Variants in WNK2 observed in about 807,000 individuals in gnomAD.
WNK2 encodes the protein serine/threonine-protein kinase WNK2.
A neutral mutation model predicts 192.1 loss-of-function variants in WNK2; 67 were observed. That is an observed-to-expected ratio of 0.35 (90% CI 0.29 to 0.43). WNK2 has a LOEUF of 0.43. Ranked by LOEUF, WNK2 falls within the 20% of genes least tolerant of loss-of-function variation. The pLI is 1.00. For missense variants in WNK2, 2,698 were observed against 3,089.7 expected (o/e 0.87, Z 3.01); for synonymous variants, 1,439 against 1,393.9 (o/e 1.03, Z -0.72).
At position 93,191,656 on chromosome 9, in the gene WNK2, C is replaced by T. The variant is rs547463313; in HGVS notation, c.681+6046C>T. Among the ~76,000 whole-genome samples the T allele has an allele frequency of 2.6e-5, 4 of 151,338 alleles. No homozygotes were observed. In the East Asian group the frequency reaches 5.8e-4, roughly 22 times the overall value. Reference sequence around the variant, plus strand: ...GGGCTGGTACTGGGTGGGATAGAGGCGGGGAGGGGAGAAGCATCAGATTCT... The same window carrying T: ...GGGCTGGTACTGGGTGGGATAGAGGTGGGGAGGGGAGAAGCATCAGATTCT... On this transcript the variant is annotated intron_variant, in intron 2 of 29. Transcript: ENST00000427277.
At chr9:93,263,507 G>A (rs1340591730) in intron 14 of WNK2, 59 bp from the exon 15 acceptor site, 34 of 1,580,712 alleles carry the variant, frequency 2.2e-5, no homozygotes, top group South Asian at 1.8e-4. Flanking sequence ...GACTTTCCCC[G>A]CCATTGCCGA....
At chr9:93,269,029 C>T in intron 19 of WNK2, 2 of 1,309,188 alleles carry the variant, frequency 1.5e-6, no homozygotes, top group Non-Finnish European at 2.1e-6. Flanking sequence ...CTCCGCTGTC[C>T]TTCCTTCACA....
intron 29 of WNK2, 44 bp from the exon 30 acceptor site, chr9:93,320,323 C>G: frequency 4.4e-6 from 6 of 1,367,072 alleles, no homozygotes; most frequent in Non-Finnish European, 5.9e-6. Flanking sequence ...GAGTGGCCAG[C>G]ACTGCGGTGG....
Position 93,289,916 on chromosome 9 carries a change from A to G in WNK2, c.4867-62A>G, listed in dbSNP as rs541545713. ...ATGAGGGGAGTGGATTTGCAGATAC[A>G]GCTGTTGAGATGCTGACCTGTGAGT... On this transcript the variant is annotated intron_variant, in intron 20 of 29. Coordinates refer to ENST00000427277, the MANE Select transcript of WNK2 (RefSeq NM_006648.4). The G allele has an allele frequency of 2.0e-6, 3 of 1,476,174 alleles. No individual in the cohort carries two copies. The Admixed American group carries it at 6.0e-5, about 30-fold the overall frequency. 91.4% of individuals were successfully genotyped at this position (1,476,174 alleles called of 1,614,324 possible).
At chr9:93,315,226 G>GGCGC (rs1407622584) in intron 28 of WNK2, among the ~76,000 whole-genome samples, 2 of 152,130 alleles carry the variant, frequency 1.3e-5, no homozygotes, top group African/African-American at 4.8e-5. Context: ...GCCTGATGTG[G>GGCGC]GCGCAATGGG....
At position 93,259,106 on chromosome 9, in the gene WNK2, C is replaced by T. The variant is rs755076404; in HGVS notation, c.2558C>T (p.Ala853Val). ...LAAPLPPASP[A>V]LPLQAVKLPH... ...GCCCCACTCCCCCCTGCGTCCCCAG[C>T]CTTGCCTCTGCAGGCTGTGAAGCTG... The change falls in exon 12 of 30, where the codon GCC becomes GTC. Residue 853 changes from alanine (A) to valine (V), a missense_variant. Physicochemically the swap from Ala to Val is moderately conservative, Grantham distance 64 (BLOSUM62 0). Around this residue, in one of 7 missense-constraint regions of WNK2, gnomAD observed 893 missense variants for 909.0 expected, o/e 0.98. Transcript: ENST00000427277. This position sits in a 1 kb window ranked among gnomAD's most constrained non-coding sequence, Gnocchi z 4.8. 45 of 1,612,424 alleles carry T rather than the reference C, an allele frequency of 2.8e-5. No homozygotes were observed. Among genetic ancestry groups the T allele is most frequent in the Non-Finnish European group, 3.6e-5 (43 of 1,179,518 alleles).
intron 8 of WNK2, among the ~76,000 whole-genome samples, chr9:93,249,486 T>G (rs1476423308): frequency 6.6e-6 from 1 of 152,186 alleles, no homozygotes; most frequent in Admixed American, 6.5e-5. Context: ...TTTTGTTGTT[T>G]TTTTTGAGAC....
In WNK2 at chr9:93,308,845, A is replaced by C. The variant is rs189094993; in HGVS notation, c.6516+261A>C. 1.8e-5 allele frequency: 25 copies of C among 1,368,372 alleles called. No individual in the cohort carries two copies. The African/African-American group carries it at 2.8e-4, about 15-fold the overall frequency. The allele number at this position is 1,368,372 out of a possible 1,614,324, so 84.8% of individuals were successfully genotyped here. ...GGCCAGGGCTGTGACTCCACAGCTC[A>C]GATACAGCAGCAGCCCCAGCCTGGG... On this transcript the variant is annotated intron_variant, in intron 28 of 29. Coordinates refer to ENST00000427277, the MANE Select transcript of WNK2 (RefSeq NM_006648.4).
chr9:93,304,597 AG>A (rs1022101119), intron 26 of WNK2, among the ~76,000 whole-genome samples: 18 of 152,220 alleles, frequency 1.2e-4, no homozygotes, highest in African/African-American at 4.3e-4. Flanking sequence ...CCTTATGGAC[AG>A]GAGGTGGGGG....
At position 93,222,563 on chromosome 9, in the gene WNK2, C is replaced by T. The variant is rs927212564; in HGVS notation, c.682-7133C>T. ...GAGGGCAGCATCTGGGACAGGTCAC[C>T]GGCGTCAGGGTCCCTTTTCTGCAAA... On this transcript the variant is annotated intron_variant, in intron 2 of 29. Transcript: ENST00000427277. Among the ~76,000 whole-genome samples, 23 of 152,110 alleles carry T rather than the reference C, an allele frequency of 1.5e-4. 1 individual carries two copies. The highest frequency in any genetic ancestry group is 8.5e-4 in the Admixed American group (13 of 15,264).
At chr9:93,293,747 T>G (rs1004831932) in intron 23 of WNK2, among the ~76,000 whole-genome samples, 6 of 152,086 alleles carry the variant, frequency 3.9e-5, no homozygotes, top group African/African-American at 7.2e-5. Context: ...CTTGGGGGTA[T>G]GTCTTGGGGG....
intron 19 of WNK2, among the ~76,000 whole-genome samples, 189 bp from the exon 20 acceptor site, chr9:93,288,599 G>A (rs958195440): frequency 2.0e-5 from 3 of 152,194 alleles, no homozygotes; most frequent in South Asian, 4.1e-4. Flanking sequence ...TGTGGGAGGC[G>A]TTACAGGAAG....
In WNK2 at chr9:93,259,093, C is replaced by A. The variant is rs146411184; in HGVS notation, c.2545C>A (p.Pro849Thr). 4,937 of 1,612,996 alleles carry A rather than the reference C, an allele frequency of 3.1e-3. 19 individuals carry two copies. Among genetic ancestry groups the A allele is most frequent in the South Asian group, 0.01 (942 of 91,074 alleles). ...ILPSLAAPLP[P>T]ASPALPLQAV... Reference sequence around the variant, plus strand: ...GCCGAGCCTCGCTGCCCCACTCCCCCCTGCGTCCCCAGCCTTGCCTCTGCA... The same window carrying A: ...GCCGAGCCTCGCTGCCCCACTCCCCACTGCGTCCCCAGCCTTGCCTCTGCA... The change falls in exon 12 of 30, where the codon CCT becomes ACT. Residue 849 changes from proline (P) to threonine (T), a missense_variant. Pro to Thr is a conservative substitution (Grantham distance 38). Transcript: ENST00000427277. This position sits in a 1 kb window ranked among gnomAD's most constrained non-coding sequence, Gnocchi z 4.8.
At chr9:93,221,126 G>A (rs936199871) in intron 2 of WNK2, among the ~76,000 whole-genome samples, 8 of 152,370 alleles carry the variant, frequency 5.3e-5, no homozygotes, top group Admixed American at 1.3e-4. Context: ...GCCCAGCACA[G>A]AGGGCCAGTC....
intron 26 of WNK2, among the ~76,000 whole-genome samples, chr9:93,303,961 C>T (rs913608167): frequency 6.6e-6 from 1 of 152,166 alleles, no homozygotes; most frequent in African/African-American, 2.4e-5. Flanking sequence ...TGAGGGTGCG[C>T]GGGAAGTTGT....
chr9:93,239,638 G>T lies in WNK2; in HGVS notation c.1323-119G>T. 1 of 809,040 alleles carries T rather than the reference G, an allele frequency of 1.2e-6. No homozygotes were observed. Among genetic ancestry groups the T allele is most frequent in the Non-Finnish European group, 1.9e-6 (1 of 513,824 alleles). The allele number at this position is 809,040 out of a possible 1,614,324, so 50.1% of individuals were successfully genotyped here. On this transcript the variant is annotated intron_variant, in intron 6 of 29. Coordinates refer to ENST00000427277, the MANE Select transcript of WNK2 (RefSeq NM_006648.4). This position sits in a 1 kb window ranked among gnomAD's most constrained non-coding sequence, Gnocchi z 4.2. ...TACCCCTGGGAGTGCTGAGACATGA[G>T]GCCTGGCCTCAGGCTCCTGCAGGTG...
intron 4 of WNK2, among the ~76,000 whole-genome samples, chr9:93,231,999 G>T (rs913687601): frequency 6.6e-6 from 1 of 152,222 alleles, no homozygotes; most frequent in Non-Finnish European, 1.5e-5. Flanking sequence ...GCTGCAACAT[G>T]TGCAGGGCAA....
chr9:93,234,487 G>T (rs1310897597), intron 4 of WNK2, among the ~76,000 whole-genome samples: 1 of 152,238 alleles, frequency 6.6e-6, no homozygotes, highest in East Asian at 1.9e-4. Context: ...CGTACTCAGG[G>T]TTTTGCCTCC....
intron 19 of WNK2, among the ~76,000 whole-genome samples, chr9:93,284,114 T>G (rs1020177307): frequency 2.0e-5 from 3 of 152,200 alleles, no homozygotes; most frequent in Admixed American, 2.0e-4. Context: ...AGGAAAAGTT[T>G]CAGCTTGATG....
Sources: gnomAD v4.1 joint callset for allele counts (sites outside exome capture counted in the v4.1 genomes callset) on GRCh38, gnomAD v4.1.1 for gene constraint, gnomAD v4.1.1 regional missense constraint, Gnocchi (gnomAD v3.1) non-coding constraint, MANE v1.5 for transcripts, NCBI Gene and HGNC (gene_info 2026-07-23, HGNC 2026-07-21) for gene names.